The following MOCS2 variants were observed in gnomAD, a reference collection of about 807,000 sequenced individuals.
MOCS2 encodes the protein molybdopterin synthase catalytic subunit.
In MOCS2, 13 loss-of-function variants were observed where a neutral mutation model predicts 21.9. That is an observed-to-expected ratio of 0.59 (90% confidence interval 0.39 to 0.94). MOCS2 has a LOEUF of 0.94. Ranked by LOEUF, MOCS2 falls within the 40% of genes least tolerant of loss-of-function variation. The pLI is 0.00. For missense variants in MOCS2, 227 were observed against 218.3 expected (o/e 1.04, Z -0.25); for synonymous variants, 92 against 80.8 (o/e 1.14, Z -0.74).
In MOCS2 at chr5:53,109,750, C is replaced by T. The variant is rs1318607693; in HGVS notation, c.-669G>A. On this transcript the variant is annotated 5_prime_UTR_variant, in exon 1 of 7. Coordinates refer to ENST00000396954, the MANE Select transcript of MOCS2 (RefSeq NM_004531.5). The stretch of plus-strand genomic sequence containing the variant: ...ACCATCCCGCCTAGGACAGCGGGAC[C>T]GAATCACGGCCGCAAAGGCGCAGGC... 9.0e-6 allele frequency: 14 copies of T among 1,547,812 alleles called. No homozygotes were observed. Among genetic ancestry groups the T allele is most frequent in the Non-Finnish European group, 1.2e-5 (14 of 1,146,130 alleles).
At position 53,097,423 on chromosome 5, in the gene MOCS2, AT is replaced by A. The variant is rs1186990704; in HGVS notation, c.*1178del. ...AAGATGTTTTCACTACATATAACAA[AT>A]AGGATTACTACGTTTCTTATTTGTC... On this transcript the variant is annotated 3_prime_UTR_variant, in exon 7 of 7. Coordinates refer to ENST00000396954, the MANE Select transcript of MOCS2 (RefSeq NM_004531.5). 7.2e-5 allele frequency: 11 copies of A among 152,244 alleles called. No homozygotes were observed. Among genetic ancestry groups the A allele is most frequent in the African/African-American group, 2.7e-4 (11 of 41,470 alleles). 9.4% of individuals were successfully genotyped at this position (152,244 alleles called of 1,614,324 possible).
intron 2 of MOCS2, 82 bp from the exon 3 acceptor site, chr5:53,107,303 T>A (rs1741078106): frequency 7.9e-7 from 1 of 1,269,578 alleles, no homozygotes; most frequent in Non-Finnish European, 1.1e-6. Flanking sequence ...AGATATTACA[T>A]AGATATAATT....
Position 53,109,647 on chromosome 5 carries a change from G to C in MOCS2, c.-566C>G. The stretch of plus-strand genomic sequence containing the variant: ...CCAAGGCTGGGTATGTGGAGGGAAA[G>C]GGCGGGAGAGACACGTCGAGGAGGG... On this transcript the variant is annotated 5_prime_UTR_variant, in exon 1 of 7. Transcript: ENST00000396954. 6.5e-7 allele frequency: 1 copy of C among 1,547,784 alleles called. No homozygotes were observed. Among genetic ancestry groups the C allele is most frequent in the South Asian group, 1.2e-5 (1 of 83,830 alleles).
intron 3 of MOCS2, among the ~76,000 whole-genome samples, chr5:53,105,433 C>T (rs1741025628): frequency 6.6e-6 from 1 of 152,116 alleles, no homozygotes; most frequent in African/African-American, 2.4e-5. Flanking sequence ...ACACCTACAA[C>T]TATCTGATCT....
intron 6 of MOCS2, among the ~76,000 whole-genome samples, chr5:53,099,939 G>A (rs1740859874): frequency 6.6e-6 from 1 of 152,090 alleles, no homozygotes; most frequent in Non-Finnish European, 1.5e-5. Flanking sequence ...CATGCCAGAA[G>A]TTCCTATTTC....
chr5:53,099,467 T>TCAGCC (rs1477003116), intron 6 of MOCS2, among the ~76,000 whole-genome samples: 2 of 152,192 alleles, frequency 1.3e-5, no homozygotes, highest in East Asian at 3.9e-4. Flanking sequence ...TCCTGTTGTG[T>TCAGCC]CAGCCTTGTT....
chr5:53,098,431 C>G lies in MOCS2; in HGVS notation c.*171G>C, dbSNP rs191465075. On this transcript the variant is annotated 3_prime_UTR_variant, in exon 7 of 7. Transcript: ENST00000396954. ...TATCTTTAGTTCCATTTTAAATAAC[C>G]CTTCATCCTACATACCCATTTATCT... The G allele has an allele frequency of 4.5e-4, 287 of 638,216 alleles. 2 individuals carry two copies. The East Asian group carries it at 7.3e-3, about 16-fold the overall frequency. 39.5% of individuals were successfully genotyped at this position (638,216 alleles called of 1,614,324 possible).
Position 53,109,414 on chromosome 5 carries a change from A to G in MOCS2, c.-333T>C, listed in dbSNP as rs946805994. On this transcript the variant is annotated 5_prime_UTR_variant, in exon 1 of 7. Transcript: ENST00000396954. Reference sequence around the variant, plus strand: ...GCTTCATCAAAACGAATAATCTGGGAAAGAGGTGGTCATAAAAGGTGGAGG... The same window carrying G: ...GCTTCATCAAAACGAATAATCTGGGGAAGAGGTGGTCATAAAAGGTGGAGG... The G allele has an allele frequency of 2.7e-5, 33 of 1,240,562 alleles. No individual in the cohort carries two copies. The African/African-American group carries it at 4.2e-4, about 16-fold the overall frequency. 76.8% of individuals were successfully genotyped at this position (1,240,562 alleles called of 1,614,324 possible). A position where few individuals can be genotyped will look rare whatever the true frequency, so the allele number is the denominator to read the frequency against.
chr5:53,101,303 G>C, intron 5 of MOCS2, 56 bp downstream of exon 5: 1 of 1,504,140 alleles, frequency 6.6e-7, no homozygotes, highest in East Asian at 2.3e-5. Context: ...ATCAGAGTTA[G>C]TACAAAGATG....
chr5:53,109,664 C>G lies in MOCS2; in HGVS notation c.-583G>C, dbSNP rs1355050913. The G allele has an allele frequency of 1.3e-6, 2 of 1,549,804 alleles. No homozygotes were observed. Among genetic ancestry groups the G allele is most frequent in the Admixed American group, 2.0e-5 (1 of 51,106 alleles). On this transcript the variant is annotated 5_prime_UTR_variant, in exon 1 of 7. Transcript: ENST00000396954. ...GAGGGAAAGGGCGGGAGAGACACGT[C>G]GAGGAGGGCTCCGCACCCAGGCCCG...
rs1353395542 is a variant in MOCS2, at chr5:53,107,159, T to C, written c.16A>G (p.Ile6Val). The C allele has an allele frequency of 1.2e-6, 2 of 1,614,092 alleles. No individual in the cohort carries two copies. Among genetic ancestry groups the C allele is most frequent in the Non-Finnish European group, 1.7e-6 (2 of 1,179,974 alleles). Residue 6 changes from isoleucine to valine, a missense_variant, in exon 3 of 7, where the codon ATC becomes GTC. Physicochemically the swap from Ile to Val is conservative, Grantham distance 29. Transcript: ENST00000396954. MSSLE[I>V]SSSCFSLETK... ...TCCAGGCTGAAGCACGAGGAGCTGA[T>C]CTCCAAGCTCGACATATTCTTGACG...
intron 6 of MOCS2, among the ~76,000 whole-genome samples, chr5:53,099,806 A>T (rs1041886835): frequency 1.3e-5 from 2 of 152,228 alleles, no homozygotes; most frequent in African/African-American, 4.8e-5. Context: ...TTGAATGTGC[A>T]ACCACAGAAC....
At position 53,101,404 on chromosome 5, in the gene MOCS2, C is replaced by T. The variant is rs768960343; in HGVS notation, c.332G>A (p.Arg111Lys). ...TATGTGTTTGACTGGCCATTTCTGC[C>T]TAATGTCACTACAAATCTTTCTGAC... ...NEVRKICSDI[R>K]QKWPVKHIAV... The change falls in exon 5 of 7, where the codon AGG (arginine) becomes AAG (lysine). Residue 111 changes from arginine (R) to lysine (K), a missense_variant. Arg to Lys is a conservative substitution (Grantham distance 26, BLOSUM62 2). Coordinates refer to ENST00000396954, the MANE Select transcript of MOCS2 (RefSeq NM_004531.5). 1.9e-6 allele frequency: 3 copies of T among 1,613,936 alleles called. No individual in the cohort carries two copies. Among genetic ancestry groups the T allele is most frequent in the Non-Finnish European group, 1.7e-6 (2 of 1,179,958 alleles).
At chr5:53,108,437 G>A in intron 2 of MOCS2, 85 bp downstream of exon 2, 1 of 1,351,474 alleles carries the variant, frequency 7.4e-7, no homozygotes, top group East Asian at 2.4e-5. Flanking sequence ...CACGGAAATC[G>A]AAATTAACCT....
intron 6 of MOCS2, 36 bp downstream of exon 6, chr5:53,100,375 G>A: frequency 1.2e-6 from 2 of 1,612,544 alleles, no homozygotes; most frequent in East Asian, 2.2e-5. Context: ...GAAAAATCAG[G>A]TCCACATGCT....
chr5:53,099,004 T>C (rs1228758217), intron 6 of MOCS2, among the ~76,000 whole-genome samples: 1 of 152,232 alleles, frequency 6.6e-6, no homozygotes, highest in African/African-American at 2.4e-5. Flanking sequence ...GAGCTGTTCT[T>C]TGACATATGC....
chr5:53,108,598 G>A lies in MOCS2; in HGVS notation c.-124C>T. The A allele has an allele frequency of 2.5e-6, 4 of 1,613,322 alleles. No homozygotes were observed. Among genetic ancestry groups the A allele is most frequent in the Non-Finnish European group, 2.5e-6 (3 of 1,179,458 alleles). The stretch of plus-strand genomic sequence containing the variant: ...TGAGGCACAGAAATGGTCTCTGAAC[G>A]AACTCCTGTTATTTCAGCACTTTTT... On this transcript the variant is annotated 5_prime_UTR_variant, in exon 2 of 7. Transcript: ENST00000396954.
chr5:53,105,396 G>C (rs2112088519), intron 3 of MOCS2, among the ~76,000 whole-genome samples: 1 of 152,114 alleles, frequency 6.6e-6, no homozygotes, highest in Middle Eastern at 3.4e-3. Context: ...AAATGAAACA[G>C]AACCCAGAAC....
chr5:53,107,309 T>C, intron 2 of MOCS2, 88 bp from the exon 3 acceptor site: 1 of 1,247,754 alleles, frequency 8.0e-7, no homozygotes. Flanking sequence ...TACATAGATA[T>C]AATTATATAA....
Sources: allele counts gnomAD v4.1 joint callset (sites outside exome capture counted in the v4.1 genomes callset), GRCh38; gene constraint gnomAD v4.1.1; transcripts MANE v1.5; gene names NCBI Gene and HGNC (gene_info 2026-07-23, HGNC 2026-07-21).